EXOC2: variants seen among roughly 807,000 people sequenced by gnomAD.
The protein encoded by EXOC2 is SEC5-like 1.
A neutral mutation model predicts 131.8 loss-of-function variants in EXOC2; 70 were observed. The ratio of observed to expected loss-of-function variants is 0.53; its 90% CI spans 0.44 to 0.65. The LOEUF (loss-of-function observed/expected upper bound fraction) is 0.65. EXOC2 is among the 30% of genes least tolerant of loss of function. The pLI, the probability that EXOC2 is intolerant of heterozygous loss-of-function variation, is 0.00. For missense variants in EXOC2, 923 were observed against 1,108.6 expected (o/e 0.83, Z 2.38); for synonymous variants, 411 against 398.4 (o/e 1.03, Z -0.38).
At position 557,052 on chromosome 6, in the gene EXOC2, T is replaced by C. The variant is rs150704342; in HGVS notation, c.1852-488A>G. 7.6e-3 allele frequency among the ~76,000 whole-genome samples: 1,159 copies of C among 152,288 alleles called. 14 individuals carry two copies. Among genetic ancestry groups the C allele is most frequent in the African/African-American group, 0.026 (1,097 of 41,560 alleles). On this transcript the variant is annotated intron_variant, in intron 17 of 27. Transcript: ENST00000230449. ...ATAGATTGTAAACAGTCATTTTCTA[T>C]CTACATTAAGTCAGAAAATGAAACC...
chr6:586,104 T>C (rs1267152020), intron 11 of EXOC2, among the ~76,000 whole-genome samples: 7 of 152,208 alleles, frequency 4.6e-5, no homozygotes, highest in Admixed American at 4.6e-4. Flanking sequence ...CTTACGGTAG[T>C]AATTGTGTTT....
At chr6:658,642 ATTT>A (rs1185162131) in intron 1 of EXOC2, among the ~76,000 whole-genome samples, 1,693 of 112,174 alleles carry the variant, frequency 0.015, 34 homozygotes, top group African/African-American at 0.052. Context: ...ATATATATAT[ATTT>A]TATATATATA....
chr6:662,895 G>A (rs905402421), intron 1 of EXOC2, among the ~76,000 whole-genome samples: 1 of 152,058 alleles, frequency 6.6e-6, no homozygotes, highest in African/African-American at 2.4e-5. Flanking sequence ...CAAGGCTGAG[G>A]CAGGAGAACT....
At chr6:692,834 A>ATGGGGGCTGCGGGGC (rs1185561295) in intron 1 of EXOC2, among the ~76,000 whole-genome samples, 185 bp downstream of exon 1, 5 of 137,794 alleles carry the variant, frequency 3.6e-5, no homozygotes, top group South Asian at 2.6e-4. Flanking sequence ...GACGGCGGGG[A>ATGGGGGCTGCGGGGC]TGGGGGCTGC....
At chr6:551,181 A>T (rs376009467) in intron 21 of EXOC2, among the ~76,000 whole-genome samples, 1 of 152,170 alleles carries the variant, frequency 6.6e-6, no homozygotes, top group Admixed American at 6.5e-5. Flanking sequence ...GGTGATGAAT[A>T]TGGTCTTAGA....
chr6:650,502 T>C (rs1762781610), intron 1 of EXOC2, among the ~76,000 whole-genome samples: 1 of 152,228 alleles, frequency 6.6e-6, no homozygotes, highest in Non-Finnish European at 1.5e-5. Flanking sequence ...TAAAACGTTT[T>C]TACTGTATAA....
intron 11 of EXOC2, among the ~76,000 whole-genome samples, chr6:584,660 G>A (rs1759101471): frequency 6.6e-6 from 1 of 152,178 alleles, no homozygotes; most frequent in African/African-American, 2.4e-5. Context: ...AGTTTTCAAA[G>A]AGAACCTGAG....
chr6:495,685 G>C (rs1763688524), intron 25 of EXOC2, among the ~76,000 whole-genome samples: 1 of 152,162 alleles, frequency 6.6e-6, no homozygotes, highest in Admixed American at 6.5e-5. Context: ...TCACATTCTT[G>C]CCGACGTCTA....
chr6:664,596 G>A (rs1003708777), intron 1 of EXOC2, among the ~76,000 whole-genome samples: 6 of 152,192 alleles, frequency 3.9e-5, no homozygotes, highest in African/African-American at 1.4e-4. Flanking sequence ...CAGACACACA[G>A]ACCAGTGGAA....
chr6:543,907 T>C (rs1373598712), intron 22 of EXOC2, among the ~76,000 whole-genome samples: 1 of 152,166 alleles, frequency 6.6e-6, no homozygotes, highest in African/African-American at 2.4e-5. Context: ...CAGAATGACA[T>C]GCAGGTCAAA....
chr6:499,555 A>G (rs1246588683), intron 24 of EXOC2, 90 bp downstream of exon 24: 7 of 1,142,700 alleles, frequency 6.1e-6, no homozygotes, highest in Non-Finnish European at 9.0e-6. Flanking sequence ...GGGAAAAAAA[A>G]GACCACCATA....
intron 7 of EXOC2, among the ~76,000 whole-genome samples, chr6:605,489 TAG>T (rs1561916283): frequency 6.6e-6 from 1 of 152,268 alleles, no homozygotes; most frequent in African/African-American, 2.4e-5. Context: ...TTCATTTGCG[TAG>T]AGGTGTTTAT....
chr6:634,774 T>C (rs1476230318), intron 2 of EXOC2, among the ~76,000 whole-genome samples: 2 of 152,200 alleles, frequency 1.3e-5, no homozygotes, highest in African/African-American at 4.8e-5. Flanking sequence ...TTTTTAAATA[T>C]ATTCATTATT....
In EXOC2 at chr6:506,099, A is replaced by G. The variant is rs1764529666; in HGVS notation, c.2381-6399T>C. 1.3e-5 allele frequency among the ~76,000 whole-genome samples: 2 copies of G among 152,262 alleles called. No individual in the cohort carries two copies. Among genetic ancestry groups the G allele is most frequent in the African/African-American group, 2.4e-5 (1 of 41,478 alleles). On this transcript the variant is annotated intron_variant, in intron 23 of 27. Coordinates refer to ENST00000230449, the MANE Select transcript of EXOC2 (RefSeq NM_018303.6). This position sits in a 1 kb window ranked among gnomAD's most constrained non-coding sequence, Gnocchi z 4.4. ...TCTCACAAAGACAGTCCTTTTGAGCATCAGGATCCATTTGAAAAATATAGT... is the reference window on the plus strand; with the variant it reads ...TCTCACAAAGACAGTCCTTTTGAGCGTCAGGATCCATTTGAAAAATATAGT...
At chr6:685,364 A>C (rs1239999012) in intron 1 of EXOC2, among the ~76,000 whole-genome samples, 2 of 152,162 alleles carry the variant, frequency 1.3e-5, no homozygotes, top group Non-Finnish European at 2.9e-5. Flanking sequence ...ATAAAATATA[A>C]TCAAAGTAGA....
chr6:675,698 TG>T lies in EXOC2; in HGVS notation c.-44+17320del, dbSNP rs1219589649. 2.6e-5 allele frequency among the ~76,000 whole-genome samples: 3 copies of T among 115,156 alleles called. 1 individual carries two copies. Among genetic ancestry groups the T allele is most frequent in the African/African-American group, 9.1e-5 (3 of 33,010 alleles). The allele number at this position is 115,156 out of a possible 152,430, so 75.5% of individuals were successfully genotyped here. On this transcript the variant is annotated intron_variant, in intron 1 of 27. Coordinates refer to ENST00000230449, the MANE Select transcript of EXOC2 (RefSeq NM_018303.6). ...ACATTACGGAAAGGACAGGTTCCTCTGGAGACTGCGGTTCCCCATACTCTTC... is the reference window on the plus strand; with the variant it reads ...ACATTACGGAAAGGACAGGTTCCTCTGAGACTGCGGTTCCCCATACTCTTC...
In EXOC2 at chr6:486,421, ATATTTTAAAATG is replaced by A. The variant is rs1176168392; in HGVS notation, c.*238_*249del. The A allele has an allele frequency of 7.9e-6, 3 of 381,264 alleles. No individual in the cohort carries two copies. Among genetic ancestry groups the A allele is most frequent in the African/African-American group, 6.3e-5 (3 of 47,906 alleles). 23.6% of individuals were successfully genotyped at this position (381,264 alleles called of 1,614,324 possible). A position where few individuals can be genotyped will look rare whatever the true frequency, so the allele number is the denominator to read the frequency against. On this transcript the variant is annotated 3_prime_UTR_variant, in exon 28 of 28. Transcript: ENST00000230449. ...TCAACCTTCTGCTGAGATGCAAAAT[ATATTTTAAAATG>A]TATTTTAAAGTCATACAGGATCTGA...
intron 4 of EXOC2, among the ~76,000 whole-genome samples, chr6:625,518 CTTTT>C (rs796295514): frequency 2.0e-4 from 22 of 108,044 alleles, no homozygotes; most frequent in South Asian, 9.4e-4. Flanking sequence ...TGTTTCCGTT[CTTTT>C]TTTTTTTTTT....
intron 22 of EXOC2, among the ~76,000 whole-genome samples, chr6:538,130 CAA>C (rs767347766): frequency 1.2e-4 from 19 of 152,046 alleles, no homozygotes; most frequent in Non-Finnish European, 2.4e-4. Flanking sequence ...GCAAATGCTA[CAA>C]AAAGAGAGTA....
Sources: allele counts gnomAD v4.1 joint callset (sites outside exome capture counted in the v4.1 genomes callset), GRCh38; gene constraint gnomAD v4.1.1; non-coding constraint Gnocchi (gnomAD v3.1); transcripts MANE v1.5; gene names NCBI Gene and HGNC (gene_info 2026-07-23, HGNC 2026-07-21).